AMPD3: variants seen among roughly 807,000 people sequenced by gnomAD.
AMPD3 encodes the protein adenosine monophosphate deaminase 3, also known as AMP deaminase 3.
AMPD3 carries 57 observed loss-of-function variants against 82.3 expected under a neutral mutation model. That is an observed-to-expected ratio of 0.69 (90% confidence interval 0.56 to 0.86). AMPD3 has a LOEUF of 0.86. AMPD3 is among the 40% of genes least tolerant of loss of function. The pLI is 0.00. For missense variants in AMPD3, 870 were observed against 1,003.8 expected, an observed-to-expected ratio of 0.87 and a Z score of 1.80; for synonymous variants, 381 against 394.7, an observed-to-expected ratio of 0.97 and a Z score of 0.41.
rs763500747 is a variant in AMPD3 at position 10,478,547 on chromosome 11, T to TCGGTCC, written c.245_250dup (p.Arg82_Ser83dup). On this transcript the variant is annotated inframe_insertion, in exon 3 of 15. Transcript: ENST00000396553. ...TTAGAAAGAAAAGTTTCAAGATGAT[T>TCGGTCC]CGGTCCCAGTCCCTGTCTCTGCAAA... The TCGGTCC allele has an allele frequency of 3.7e-6, 6 of 1,614,172 alleles. No individual in the cohort carries two copies. The South Asian group carries it at 6.6e-5, about 18-fold the overall frequency.
chr11:10,450,719 C>G (rs943266576), upstream of AMPD3: 176 of 1,105,460 alleles, frequency 1.6e-4, no homozygotes, highest in Middle Eastern at 1.6e-3. Context: ...GCGGCCCGGG[C>G]GCTTCAGGTA....
chr11:10,502,923 G>T, intron 13 of AMPD3, 29 bp downstream of exon 13: 1 of 1,608,444 alleles, frequency 6.2e-7, no homozygotes, highest in African/African-American at 1.3e-5. Context: ...GGACAGTAGT[G>T]CTTCAGTAGG....
intron 2 of AMPD3, among the ~76,000 whole-genome samples, chr11:10,463,351 A>T (rs1848326778): frequency 1.3e-5 from 2 of 152,238 alleles, no homozygotes; most frequent in Admixed American, 1.3e-4. Flanking sequence ...GGCAGGAGTC[A>T]CTGGTGCCAT....
chr11:10,472,100 A>G (rs925365727), intron 2 of AMPD3, among the ~76,000 whole-genome samples: 3 of 152,210 alleles, frequency 2.0e-5, no homozygotes, highest in African/African-American at 7.2e-5. Context: ...TACACCATGG[A>G]ATACTATGCA....
At chr11:10,494,810 A>G (rs1360208385) in intron 7 of AMPD3, 89 bp from the exon 8 acceptor site, 1 of 1,581,088 alleles carries the variant, frequency 6.3e-7, no homozygotes, top group Non-Finnish European at 8.7e-7. Flanking sequence ...GTGTGGCCAT[A>G]CAGAAGGCCG....
chr11:10,460,240 G>A (rs1848227909), intron 1 of AMPD3, among the ~76,000 whole-genome samples: 1 of 151,456 alleles, frequency 6.6e-6, no homozygotes, highest in Admixed American at 6.6e-5. Context: ...TGGGATTACA[G>A]GCATGCATCA....
intron 4 of AMPD3, 92 bp from the exon 5 acceptor site, chr11:10,484,728 C>T (rs1849013176): frequency 1.3e-5 from 20 of 1,500,416 alleles, no homozygotes; most frequent in Non-Finnish European, 1.8e-5. Flanking sequence ...GGATTTTGGG[C>T]AGGAAGGCCA....
chr11:10,497,388 G>A (rs546339880), intron 10 of AMPD3, among the ~76,000 whole-genome samples: 75 of 152,290 alleles, frequency 4.9e-4, no homozygotes, highest in Middle Eastern at 6.8e-3. Flanking sequence ...CCCCTAAAGT[G>A]TATTTCCCTT....
chr11:10,494,867 G>T (rs79323897), intron 7 of AMPD3, 32 bp from the exon 8 acceptor site: 1 of 1,602,914 alleles, frequency 6.2e-7, no homozygotes, highest in African/African-American at 1.3e-5. Context: ...GCTGCAGAAC[G>T]ATGCGTTGAT....
At position 10,456,451 on chromosome 11, in the gene AMPD3, GC is replaced by G. The variant is rs1564836859; in HGVS notation, c.-6+1004del. The G allele has an allele frequency of 3.7e-6, 6 of 1,613,644 alleles. No individual in the cohort carries two copies. In the South Asian group the frequency reaches 5.5e-5, roughly 15 times the overall value. On this transcript the variant is annotated intron_variant, in intron 1 of 14. Coordinates refer to ENST00000396553, the MANE Select transcript of AMPD3 (RefSeq NM_001025389.2). The surrounding 1 kb of genome is among the most constrained non-coding windows in gnomAD (Gnocchi z 4.3). ...GGGAGTCTGGCAAGAGTAGGAACCA[GC>G]TTCCTTCGTATAACGAGGGGATTTC...
Position 10,504,542 on chromosome 11 carries a change from G to A in AMPD3, c.2017-7G>A. On this transcript the variant is annotated splice_region_variant and splice_polypyrimidine_tract_variant and intron_variant, in intron 13 of 14. Transcript: ENST00000396553. ...TTCTAATCCACATGCTTTGGGGGAG[G>A]ATCTAGGAAGCACTTATGGAAGAAT... is the stretch of plus-strand genomic sequence containing the variant. 1 of 1,613,340 alleles carries A rather than the reference G, an allele frequency of 6.2e-7. No individual in the cohort carries two copies. Among genetic ancestry groups the A allele is most frequent in the Non-Finnish European group, 8.5e-7 (1 of 1,179,244 alleles).
intron 9 of AMPD3, 34 bp from the exon 10 acceptor site, chr11:10,496,778 T>C: frequency 6.2e-7 from 1 of 1,614,060 alleles, no homozygotes; most frequent in African/African-American, 1.3e-5. Flanking sequence ...GGCTGTTGGA[T>C]CCACCTGACA....
Position 10,456,415 on chromosome 11 carries a change from G to A in AMPD3, c.-6+967G>A. ...GAGCCAGGCTCAGGTCTGTGTCGGGGCTTCTGCAAGGGGAGTCTGGCAAGA... is the reference window on the plus strand; with the variant it reads ...GAGCCAGGCTCAGGTCTGTGTCGGGACTTCTGCAAGGGGAGTCTGGCAAGA... On this transcript the variant is annotated intron_variant, in intron 1 of 14. Coordinates refer to ENST00000396553, the MANE Select transcript of AMPD3 (RefSeq NM_001025389.2). The surrounding 1 kb of genome is among the most constrained non-coding windows in gnomAD (Gnocchi z 4.3). 1 of 1,613,790 alleles carries A rather than the reference G, an allele frequency of 6.2e-7. No individual in the cohort carries two copies. The highest frequency in any genetic ancestry group is 8.5e-7 in the Non-Finnish European group (1 of 1,179,700).
At chr11:10,495,779 C>T in intron 9 of AMPD3, 46 bp downstream of exon 9, 1 of 1,610,016 alleles carries the variant, frequency 6.2e-7, no homozygotes, top group Non-Finnish European at 8.5e-7. Flanking sequence ...ACAGAGGTGA[C>T]AATCTGTCCC....
At chr11:10,472,081 T>A (rs959651732) in intron 2 of AMPD3, among the ~76,000 whole-genome samples, 1 of 152,174 alleles carries the variant, frequency 6.6e-6, no homozygotes, top group Non-Finnish European at 1.5e-5. Flanking sequence ...AAAGAAAATA[T>A]GGCACATATA....
At chr11:10,466,553 A>C (rs1848428086) in intron 2 of AMPD3, among the ~76,000 whole-genome samples, 1 of 152,168 alleles carries the variant, frequency 6.6e-6, no homozygotes, top group African/African-American at 2.4e-5. Context: ...AGGGACTTAT[A>C]GATAAAACCC....
rs140726328 is a variant in AMPD3 at position 10,476,776 on chromosome 11, C to T, written c.222-1750C>T. The stretch of plus-strand genomic sequence containing the variant: ...GAGAACCTCATCCTCAAGGTGAATC[C>T]GCCTCTGAGGAGTGACTGACAAGGT... On this transcript the variant is annotated intron_variant, in intron 2 of 14. Coordinates refer to ENST00000396553, the MANE Select transcript of AMPD3 (RefSeq NM_001025389.2). Among the ~76,000 whole-genome samples the T allele has an allele frequency of 5.5e-3, 837 of 152,242 alleles. 4 individuals are homozygous for T. Among genetic ancestry groups the T allele is most frequent in the Admixed American group, 7.5e-3 (114 of 15,292 alleles).
chr11:10,500,865 C>T lies in AMPD3; in HGVS notation c.1722-605C>T, dbSNP rs1219359874. ...CAGCAGGACACTGAGCCATTCCCTT[C>T]CCTACAAGTCTTGCATCCCACTTTC... On this transcript the variant is annotated intron_variant, in intron 11 of 14. Coordinates refer to ENST00000396553, the MANE Select transcript of AMPD3 (RefSeq NM_001025389.2). 4.1e-6 allele frequency: 4 copies of T among 985,466 alleles called. No individual in the cohort carries two copies. The African/African-American group carries it at 5.2e-5, about 13-fold the overall frequency. The allele number at this position is 985,466 out of a possible 1,614,324, so 61.0% of individuals were successfully genotyped here.
chr11:10,498,105 C>G (rs77399800), intron 10 of AMPD3, among the ~76,000 whole-genome samples: 139 of 152,346 alleles, frequency 9.1e-4, no homozygotes, highest in African/African-American at 3.2e-3. Flanking sequence ...CCCTGAACCC[C>G]TATTCTATGT....
Sources: allele counts gnomAD v4.1 joint callset (sites outside exome capture counted in the v4.1 genomes callset), GRCh38; gene constraint gnomAD v4.1.1; non-coding constraint Gnocchi (gnomAD v3.1); transcripts MANE v1.5; gene names NCBI Gene and HGNC (gene_info 2026-07-23, HGNC 2026-07-21).